Variants in TIMM17A observed in about 807,000 individuals in gnomAD.
TIMM17A encodes mitochondrial import inner membrane translocase subunit Tim17-A.
TIMM17A carries 15 observed loss-of-function variants against 26.5 expected under a neutral mutation model. That is an observed-to-expected ratio of 0.57 (90% CI 0.38 to 0.87). TIMM17A has a LOEUF of 0.87. Among genes scored for constraint, TIMM17A ranks in the 40% least tolerant of loss-of-function variants. The pLI, the probability that TIMM17A is intolerant of heterozygous loss-of-function variation, is 0.00. For synonymous variants in TIMM17A, 80 were observed against 70.8 expected, an observed-to-expected ratio of 1.13 and a Z score of -0.66; for missense variants, 201 against 210.0, an observed-to-expected ratio of 0.96 and a Z score of 0.27.
At chr1:201,959,610 T>C (rs1389281434) in intron 3 of TIMM17A, among the ~76,000 whole-genome samples, 2 of 151,986 alleles carry the variant, frequency 1.3e-5, no homozygotes, top group Non-Finnish European at 2.9e-5. Flanking sequence ...GCCAAGATTG[T>C]GCCATTGGAC....
At chr1:201,955,684 A>G (rs978391339) in intron 1 of TIMM17A, 132 bp downstream of exon 1, 16 of 1,273,596 alleles carry the variant, frequency 1.3e-5, no homozygotes, top group South Asian at 8.7e-5. Context: ...TAACTGGGCA[A>G]TGCGGTCTTT....
At chr1:201,966,936 A>G (rs1363452196) in intron 5 of TIMM17A, among the ~76,000 whole-genome samples, 1 of 146,376 alleles carries the variant, frequency 6.8e-6, no homozygotes, top group Non-Finnish European at 1.5e-5. Context: ...TATATGTTGT[A>G]TATATGTTAT....
At position 201,969,582 on chromosome 1, in the gene TIMM17A, G is replaced by A. The variant is rs755586194; in HGVS notation, c.*28G>A. The A allele has an allele frequency of 1.3e-6, 2 of 1,572,810 alleles. No individual in the cohort carries two copies. The highest frequency in any genetic ancestry group is 2.2e-5 in the East Asian group (1 of 44,648). ...CTTCTTTCCTAGGATTTCTTTAACA[G>A]AACGAGTTGTGGTTCGAGAAGGATT... On this transcript the variant is annotated 3_prime_UTR_variant, in exon 6 of 6. Coordinates refer to ENST00000367287, the MANE Select transcript of TIMM17A (RefSeq NM_006335.3).
intron 1 of TIMM17A, among the ~76,000 whole-genome samples, chr1:201,956,804 AT>A (rs1226036987): frequency 3.3e-5 from 5 of 152,090 alleles, no homozygotes; most frequent in Non-Finnish European, 5.9e-5. Context: ...AAAAATACAA[AT>A]ATTAGCCGGG....
At chr1:201,961,422 C>G (rs1191135537) in intron 3 of TIMM17A, among the ~76,000 whole-genome samples, 1 of 152,154 alleles carries the variant, frequency 6.6e-6, no homozygotes, top group African/African-American at 2.4e-5. Context: ...GTCCCTGTTA[C>G]TCTTTGACCA....
At chr1:201,965,772 G>A (rs1163353934) in intron 5 of TIMM17A, among the ~76,000 whole-genome samples, 3 of 152,188 alleles carry the variant, frequency 2.0e-5, no homozygotes, top group African/African-American at 7.2e-5. Context: ...GGGTTTATCA[G>A]TGCTCATGTC....
At chr1:201,961,792 T>C (rs1046588987) in intron 3 of TIMM17A, among the ~76,000 whole-genome samples, 1 of 152,040 alleles carries the variant, frequency 6.6e-6, no homozygotes, top group African/African-American at 2.4e-5. Context: ...GTATTTCCAG[T>C]TCATCCCACA....
At chr1:201,959,636 A>T (rs904462532) in intron 3 of TIMM17A, among the ~76,000 whole-genome samples, 1 of 152,174 alleles carries the variant, frequency 6.6e-6, no homozygotes, top group African/African-American at 2.4e-5. Context: ...CTTGGGTGAT[A>T]GAGTGAGACG....
At chr1:201,966,975 T>TTA (rs1682640532) in intron 5 of TIMM17A, among the ~76,000 whole-genome samples, 1 of 138,976 alleles carries the variant, frequency 7.2e-6, no homozygotes, top group Non-Finnish European at 1.6e-5. Flanking sequence ...ATTATATATG[T>TTA]TGTATATTAT....
chr1:201,956,072 A>C (rs1448235470), intron 1 of TIMM17A, among the ~76,000 whole-genome samples: 1 of 152,154 alleles, frequency 6.6e-6, no homozygotes, highest in Non-Finnish European at 1.5e-5. Context: ...GGGTCTGGAT[A>C]AGCTTCTTTA....
chr1:201,956,204 C>T (rs1050409161), intron 1 of TIMM17A, among the ~76,000 whole-genome samples: 4 of 152,124 alleles, frequency 2.6e-5, no homozygotes, highest in African/African-American at 9.7e-5. Context: ...GACAGAAATT[C>T]ATTGTTACAT....
chr1:201,966,850 T>A (rs941277245), intron 5 of TIMM17A, among the ~76,000 whole-genome samples: 3 of 143,372 alleles, frequency 2.1e-5, no homozygotes, highest in Non-Finnish European at 3.0e-5. Context: ...TCAAAAAATA[T>A]ATATATATAT....
chr1:201,964,837 ACGGGG>A (rs1682600124), intron 4 of TIMM17A, among the ~76,000 whole-genome samples: 1 of 148,458 alleles, frequency 6.7e-6, no homozygotes. Context: ...TTTAGTGGAG[ACGGGG>A]TTTTACCATG....
At position 201,957,563 on chromosome 1, in the gene TIMM17A, C is replaced by T; in HGVS notation, c.179C>T (p.Pro60Leu). Residue 60 changes from proline to leucine, a missense_variant, in exon 3 of 6, where the codon CCA becomes CTA. Pro to Leu is a moderately conservative substitution (Grantham distance 98, BLOSUM62 -3). Transcript: ENST00000367287. ...GSLTAIKTRA[P>L]QLGGSFAVWG... Reference sequence around the variant, plus strand: ...TTGACAGCTATTAAAACCAGGGCTCCACAGTTAGGAGGTAAGCAGAATTTT... The same window carrying T: ...TTGACAGCTATTAAAACCAGGGCTCTACAGTTAGGAGGTAAGCAGAATTTT... 1 of 1,613,268 alleles carries T rather than the reference C, an allele frequency of 6.2e-7. No individual in the cohort carries two copies. The highest frequency in any genetic ancestry group is 8.5e-7 in the Non-Finnish European group (1 of 1,179,910).
chr1:201,956,675 A>G (rs1003243720), intron 1 of TIMM17A, among the ~76,000 whole-genome samples: 1 of 152,210 alleles, frequency 6.6e-6, no homozygotes, highest in Non-Finnish European at 1.5e-5. Context: ...ATCTTAGAAA[A>G]ATAAGGCCGG....
At chr1:201,965,877 C>T (rs1383719237) in intron 5 of TIMM17A, among the ~76,000 whole-genome samples, 1 of 152,214 alleles carries the variant, frequency 6.6e-6, no homozygotes, top group Non-Finnish European at 1.5e-5. Context: ...TAGTATTGTA[C>T]ATCTACATGC....
At chr1:201,958,426 G>C (rs1343056111) in intron 3 of TIMM17A, among the ~76,000 whole-genome samples, 1 of 152,254 alleles carries the variant, frequency 6.6e-6, no homozygotes, top group Non-Finnish European at 1.5e-5. Flanking sequence ...GTCAGGGTTG[G>C]GCGCAATGGC....
chr1:201,969,540 C>A lies in TIMM17A; in HGVS notation c.502C>A (p.Arg168=), dbSNP rs763934715. 1.2e-6 allele frequency: 2 copies of A among 1,613,528 alleles called. No homozygotes were observed. The change falls in exon 6 of 6, where the codon CGA becomes AGA. Residue 168 remains arginine, a synonymous_variant. Coordinates refer to ENST00000367287, the MANE Select transcript of TIMM17A (RefSeq NM_006335.3). Reference sequence around the variant, plus strand: ...ACCTTCCTCACCTTTTGGAGACTATCGACAATATCAGTAGGACTTCTTTCC... The same window carrying A: ...ACCTTCCTCACCTTTTGGAGACTATAGACAATATCAGTAGGACTTCTTTCC... The part of the protein sequence containing the change: ...QLPSSPFGDY[R]QYQ
chr1:201,959,976 G>A (rs1345342308), intron 3 of TIMM17A, among the ~76,000 whole-genome samples: 1 of 151,564 alleles, frequency 6.6e-6, no homozygotes, highest in Non-Finnish European at 1.5e-5. Context: ...ACTCCAGCCA[G>A]GGTGACAGCG....
Sources: gnomAD v4.1 joint callset for allele counts (sites outside exome capture counted in the v4.1 genomes callset) on GRCh38, gnomAD v4.1.1 for gene constraint, MANE v1.5 for transcripts, NCBI Gene and HGNC (gene_info 2026-07-23, HGNC 2026-07-21) for gene names.